RBM25: variants seen among roughly 807,000 people sequenced by gnomAD.
The protein encoded by RBM25 is RNA-binding protein 25.
Under a neutral mutation model 120.7 loss-of-function variants are expected in RBM25, and 19 were observed. The observed-to-expected ratio is 0.16, with a 90% CI of 0.11 to 0.23. The LOEUF is 0.23. Ranked by LOEUF, RBM25 falls within the 10% of genes least tolerant of loss-of-function variation. The pLI is 1.00. For missense variants in RBM25, 605 were observed against 1,041.5 expected, an observed-to-expected ratio of 0.58 and a Z score of 5.77; for synonymous variants, 390 against 326.7, an observed-to-expected ratio of 1.19 and a Z score of -2.09.
At chr14:73,118,077 T>C (rs138862606) in intron 18 of RBM25, among the ~76,000 whole-genome samples, 1 of 152,350 alleles carries the variant, frequency 6.6e-6, no homozygotes, top group East Asian at 1.9e-4. Flanking sequence ...CCGTGATGAT[T>C]GTATTTGCTT....
At chr14:73,068,670 G>A (rs542662958) in intron 1 of RBM25, 42 of 344,810 alleles carry the variant, frequency 1.2e-4, no homozygotes, top group African/African-American at 7.7e-4. Context: ...AGGGACGCAC[G>A]CTTCCTTGGC....
intron 1 of RBM25, among the ~76,000 whole-genome samples, chr14:73,070,594 A>G (rs1236760124): frequency 6.6e-6 from 1 of 152,146 alleles, no homozygotes; most frequent in Non-Finnish European, 1.5e-5. Flanking sequence ...GGTAGTGGCC[A>G]GCATTGAAGC....
At chr14:73,105,124 T>A (rs1896154139) in intron 10 of RBM25, among the ~76,000 whole-genome samples, 1 of 123,944 alleles carries the variant, frequency 8.1e-6, no homozygotes, top group Admixed American at 9.8e-5. Context: ...TTGGTTTTAT[T>A]ACTTTTTTTT....
chr14:73,093,948 GTTTTTTTTT>G (rs1004873413), intron 6 of RBM25, among the ~76,000 whole-genome samples: 14 of 122,168 alleles, frequency 1.1e-4, no homozygotes, highest in Non-Finnish European at 2.2e-4. Flanking sequence ...ATCAGGTTTT[GTTTTTTTTT>G]TTTTTTTTTC....
At chr14:73,069,386 TTA>T (rs1895220770) in intron 1 of RBM25, among the ~76,000 whole-genome samples, 3 of 152,230 alleles carry the variant, frequency 2.0e-5, no homozygotes, top group African/African-American at 7.2e-5. Context: ...CTTAAACTTT[TTA>T]TGTTTTCTCT....
intron 1 of RBM25, among the ~76,000 whole-genome samples, chr14:73,062,442 G>A (rs192442928): frequency 5.1e-4 from 78 of 151,462 alleles, no homozygotes; most frequent in Admixed American, 3.0e-3. Context: ...AATTTGGCAC[G>A]TAGTGTACTG....
At chr14:73,110,562 G>A (rs975141033) in intron 14 of RBM25, among the ~76,000 whole-genome samples, 24 of 151,900 alleles carry the variant, frequency 1.6e-4, no homozygotes, top group Admixed American at 1.3e-3. Context: ...CTGAGTAGCT[G>A]GGATTACAGG....
rs141358263 is a variant in RBM25, at chr14:73,079,863, T to C, written c.324+2327T>C. On this transcript the variant is annotated intron_variant, in intron 4 of 18. Transcript: ENST00000261973. ...GTCTGAAGCCTGACTCCATTTTTAT[T>C]CTTGAGTTTTCTCCTGGGCTTCTTT... Among the ~76,000 whole-genome samples the C allele has an allele frequency of 2.5e-3, 377 of 150,654 alleles. 23 individuals are homozygous for C. The Middle Eastern group carries it at 0.034, about 14-fold the overall frequency.
At chr14:73,108,986 A>T (rs1896248540) in intron 13 of RBM25, 2 of 158,474 alleles carry the variant, frequency 1.3e-5, no homozygotes, top group Non-Finnish European at 2.8e-5. Context: ...GCTACTTGAT[A>T]TATTTTTTTA....
In RBM25 at chr14:73,060,489, C is replaced by T. The variant is rs1042611003; in HGVS notation, c.-16+1784C>T. Among the ~76,000 whole-genome samples the T allele has an allele frequency of 4.6e-5, 7 of 151,500 alleles. 1 individual carries two copies. The highest frequency in any genetic ancestry group is 1.7e-4 in the African/African-American group (7 of 41,390). On this transcript the variant is annotated intron_variant, in intron 1 of 18. Coordinates refer to ENST00000261973, the MANE Select transcript of RBM25 (RefSeq NM_021239.3). ...TTACACATGATTTAGTGAAAATTTA[C>T]ATTATTTTATAGCTTTGGAAGCAAA... is the stretch of plus-strand genomic sequence containing the variant.
At chr14:73,068,387 ATTTTTTT>A (rs34314453) in intron 1 of RBM25, 41 of 476,996 alleles carry the variant, frequency 8.6e-5, no homozygotes, top group Admixed American at 2.5e-4. Context: ...CTTGTATTTG[ATTTTTTT>A]TTTTTTTTTT....
At chr14:73,106,825 A>G (rs1296656987) in intron 12 of RBM25, among the ~76,000 whole-genome samples, 2 of 151,404 alleles carry the variant, frequency 1.3e-5, no homozygotes, top group Admixed American at 6.6e-5. Flanking sequence ...ACATGTATAC[A>G]TATATATGTA....
intron 9 of RBM25, chr14:73,100,345 A>G (rs933141023): frequency 4.4e-6 from 3 of 685,466 alleles, no homozygotes; most frequent in Non-Finnish European, 5.3e-6. Context: ...CAGCTTGGAA[A>G]GTAACAAGGA....
In RBM25 at chr14:73,092,591, T is replaced by A. The variant is rs77887912; in HGVS notation, c.544-4324T>A. 4.4e-4 allele frequency among the ~76,000 whole-genome samples: 66 copies of A among 151,336 alleles called. No homozygotes were observed. The East Asian group carries it at 9.5e-3, about 22-fold the overall frequency. Reference sequence around the variant, plus strand: ...AAATTTTCTTGCCTTTTTTTTTTTTTAATTAAGTTTTAGGGTACATGTTCA... The same window carrying A: ...AAATTTTCTTGCCTTTTTTTTTTTTAAATTAAGTTTTAGGGTACATGTTCA... On this transcript the variant is annotated intron_variant, in intron 6 of 18. Transcript: ENST00000261973.
intron 14 of RBM25, among the ~76,000 whole-genome samples, chr14:73,109,829 T>C (rs1896270328): frequency 6.6e-6 from 1 of 152,012 alleles, no homozygotes; most frequent in South Asian, 2.1e-4. Context: ...ACCCGAGTAG[T>C]AGTACGGATT....
At chr14:73,082,294 A>G (rs893058973) in intron 4 of RBM25, among the ~76,000 whole-genome samples, 7 of 151,522 alleles carry the variant, frequency 4.6e-5, no homozygotes, top group African/African-American at 1.7e-4. Context: ...ATGGAACTTT[A>G]TTTTATTTTT....
Position 73,083,479 on chromosome 14 carries a change from T to C in RBM25, c.325-15T>C. 1 of 1,562,668 alleles carries C rather than the reference T, an allele frequency of 6.4e-7. No individual in the cohort carries two copies. The highest frequency in any genetic ancestry group is 1.2e-5 in the South Asian group (1 of 81,366). ...TTAAATGGTAGCAATCTGTTTGTTT[T>C]GTTTTCTTTTTAAGAAATGTGGTTT... On this transcript the variant is annotated splice_polypyrimidine_tract_variant and intron_variant, in intron 4 of 18. Transcript: ENST00000261973.
At chr14:73,087,325 T>C (rs886234774) in intron 5 of RBM25, among the ~76,000 whole-genome samples, 9 of 147,062 alleles carry the variant, frequency 6.1e-5, no homozygotes, top group South Asian at 2.2e-4. Context: ...TTTGTGTTCC[T>C]GCAGTCTGTT....
intron 1 of RBM25, among the ~76,000 whole-genome samples, chr14:73,069,124 G>C (rs191459870): frequency 6.6e-6 from 1 of 152,068 alleles, no homozygotes; most frequent in African/African-American, 2.4e-5. Context: ...GGCTGGTCTA[G>C]AACTCTTGAC....
Sources: allele counts gnomAD v4.1 joint callset (sites outside exome capture counted in the v4.1 genomes callset), GRCh38; gene constraint gnomAD v4.1.1; transcripts MANE v1.5; gene names NCBI Gene and HGNC (gene_info 2026-07-23, HGNC 2026-07-21).